CALU: variants seen among roughly 807,000 people sequenced by gnomAD.
CALU encodes IEF SSP 9302.
Under a neutral mutation model 37.5 loss-of-function variants are expected in CALU, and 13 were observed. The observed-to-expected ratio is 0.35, with a 90% CI of 0.23 to 0.55. CALU has a LOEUF of 0.55. Ranked by LOEUF, CALU falls within the 20% of genes least tolerant of loss-of-function variation. The pLI is 0.89. For missense variants in CALU, 282 were observed against 391.7 expected (o/e 0.72, Z 2.36); for synonymous variants, 114 against 133.8 (o/e 0.85, Z 1.02).
rs1226072357 is a variant in CALU, at chr7:128,748,463, A to G, written c.-11-110A>G. 3.5e-6 allele frequency: 4 copies of G among 1,151,994 alleles called. No homozygotes were observed. In the African/African-American group the frequency reaches 4.7e-5, roughly 13 times the overall value. The allele number at this position is 1,151,994 out of a possible 1,614,324, so 71.4% of individuals were successfully genotyped here. A position where few individuals can be genotyped will look rare whatever the true frequency, so the allele number is the denominator to read the frequency against. On this transcript the variant is annotated intron_variant, in intron 1 of 6. Transcript: ENST00000249364. ...ATTTGGGATAATATAAAAGACTTGCATAGATATGTATATCAAATTAATAGT... is the reference window on the plus strand; with the variant it reads ...ATTTGGGATAATATAAAAGACTTGCGTAGATATGTATATCAAATTAATAGT...
At chr7:128,751,525 G>A (rs910635201) in intron 2 of CALU, among the ~76,000 whole-genome samples, 2 of 151,654 alleles carry the variant, frequency 1.3e-5, no homozygotes, top group African/African-American at 4.8e-5. Context: ...TCAGGAGTTC[G>A]AGACCAGCCT....
chr7:128,756,616 C>G (rs549565337), intron 3 of CALU, among the ~76,000 whole-genome samples: 6 of 152,150 alleles, frequency 3.9e-5, no homozygotes, highest in Non-Finnish European at 7.3e-5. Flanking sequence ...TTAACACTGT[C>G]TCTGCCACAA....
intron 2 of CALU, among the ~76,000 whole-genome samples, chr7:128,749,238 C>T (rs151235676): frequency 1.4e-4 from 22 of 152,334 alleles, no homozygotes; most frequent in African/African-American, 3.8e-4. Context: ...TATGATTTCC[C>T]GAGGTGTCCT....
At chr7:128,741,557 C>T (rs1475359078) in intron 1 of CALU, among the ~76,000 whole-genome samples, 1 of 151,992 alleles carries the variant, frequency 6.6e-6, no homozygotes, top group Non-Finnish European at 1.5e-5. Context: ...TGGATCATAC[C>T]CTTTTTGTCC....
intron 5 of CALU, among the ~76,000 whole-genome samples, chr7:128,767,184 C>T (rs1801369463): frequency 6.6e-6 from 1 of 152,184 alleles, no homozygotes; most frequent in African/African-American, 2.4e-5. Context: ...GATGGTAGCT[C>T]TCTCCTCTTA....
Position 128,772,349 on chromosome 7 carries a change from C to T in CALU, c.*3182C>T, listed in dbSNP as rs1302222245. The stretch of plus-strand genomic sequence containing the variant: ...GGCCTTTGGGTGGTCTGAAATAGAC[C>T]AGTGGAAACAGTAGCTTTGTAGGCA... On this transcript the variant is annotated 3_prime_UTR_variant, in exon 7 of 7. Coordinates refer to ENST00000249364, the MANE Select transcript of CALU (RefSeq NM_001219.5). 1.5e-6 allele frequency: 1 copy of T among 645,698 alleles called. No homozygotes were observed. The highest frequency in any genetic ancestry group is 2.7e-6 in the Non-Finnish European group (1 of 373,104). The allele number at this position is 645,698 out of a possible 1,614,324, so 40.0% of individuals were successfully genotyped here.
chr7:128,767,587 C>A lies in CALU; in HGVS notation c.775C>A (p.Leu259Ile). 1.9e-6 allele frequency: 3 copies of A among 1,614,128 alleles called. No individual in the cohort carries two copies. Among genetic ancestry groups the A allele is most frequent in the Non-Finnish European group, 2.5e-6 (3 of 1,179,978 alleles). Residue 259 changes from leucine (L) to isoleucine (I), a missense_variant, in exon 6 of 7, where the codon CTT (leucine) becomes ATT (isoleucine). Transcript: ENST00000249364. ...MDKEETKDWILPSDYDHAEAE... is the reference protein window; with the variant it reads ...MDKEETKDWIIPSDYDHAEAE... ...CAAGGAAGAGACCAAAGACTGGATC[C>A]TTCCCTCAGACTATGATCATGCAGA...
intron 6 of CALU, among the ~76,000 whole-genome samples, 200 bp from the exon 7 acceptor site, chr7:128,768,863 A>AAAAAAAAAAAAAAAAAAAAAAC (rs1554368156): frequency 6.8e-5 from 10 of 148,048 alleles, no homozygotes; most frequent in African/African-American, 2.6e-4. Context: ...AAAAAAAAAA[A>AAAAAAAAAAAAAAAAAAAAAAC]AAAAACAAGG....
At chr7:128,742,287 A>G (rs950485439) in intron 1 of CALU, among the ~76,000 whole-genome samples, 3 of 152,208 alleles carry the variant, frequency 2.0e-5, no homozygotes, top group African/African-American at 4.8e-5. Flanking sequence ...TGTTCCCTGT[A>G]ATCTCCAATT....
intron 6 of CALU, 43 bp downstream of exon 6, chr7:128,767,698 A>C (rs1162888614): frequency 2.0e-6 from 3 of 1,500,402 alleles, no homozygotes; most frequent in Non-Finnish European, 2.8e-6. Context: ...TGATTGAAGT[A>C]TGCTTCTAGG....
chr7:128,764,569 C>T (rs1406703262), intron 5 of CALU, among the ~76,000 whole-genome samples: 2 of 152,140 alleles, frequency 1.3e-5, no homozygotes, highest in Non-Finnish European at 2.9e-5. Context: ...GACACGACAA[C>T]TTTAAAAAGA....
rs1373105038 is a variant in CALU, at chr7:128,767,639, A to T, written c.827A>T (p.Glu276Val). 1 of 1,614,066 alleles carries T rather than the reference A, an allele frequency of 6.2e-7. No individual in the cohort carries two copies. The highest frequency in any genetic ancestry group is 1.3e-5 in the African/African-American group (1 of 75,048). ...GCAGAAGCCAGGCACCTGGTCTATGAATCAGACCAAAACAAGGTAAGTCTG... is the reference window on the plus strand; with the variant it reads ...GCAGAAGCCAGGCACCTGGTCTATGTATCAGACCAAAACAAGGTAAGTCTG... The part of the protein sequence containing the change: ...AEAEARHLVY[E>V]SDQNKDGKLT... The change falls in exon 6 of 7, where the codon GAA becomes GTA. Residue 276 changes from glutamate (E) to valine (V), a missense_variant. Physicochemically the swap from Glu to Val is moderately radical, Grantham distance 121. Coordinates refer to ENST00000249364, the MANE Select transcript of CALU (RefSeq NM_001219.5).
At chr7:128,748,328 A>AT (rs1800524698) in intron 1 of CALU, 2 of 1,459,020 alleles carry the variant, frequency 1.4e-6, no homozygotes, top group East Asian at 5.0e-5. Flanking sequence ...CATTTTAACT[A>AT]TAAGTTTCTT....
At chr7:128,759,945 C>G in intron 5 of CALU, 93 bp downstream of exon 5, 2 of 761,798 alleles carry the variant, frequency 2.6e-6, no homozygotes, top group Non-Finnish European at 4.6e-6. Context: ...TGCCTGTAAT[C>G]CCAACACTGG....
At chr7:128,766,923 A>C (rs981795933) in intron 5 of CALU, among the ~76,000 whole-genome samples, 2 of 152,332 alleles carry the variant, frequency 1.3e-5, no homozygotes, top group Admixed American at 6.5e-5. Flanking sequence ...CATTCTTATG[A>C]AGATCAATTT....
intron 5 of CALU, chr7:128,761,412 A>G (rs2402935): frequency 0.3 from 45,382 of 152,010 alleles, 7,991 homozygotes; most frequent in Non-Finnish European, 0.41. Flanking sequence ...AGTCTGGACT[A>G]TAGTCACAAG....
At chr7:128,744,269 C>T (rs1800348823) in intron 1 of CALU, among the ~76,000 whole-genome samples, 1 of 152,134 alleles carries the variant, frequency 6.6e-6, no homozygotes, top group Non-Finnish European at 1.5e-5. Flanking sequence ...TTATTTTTTA[C>T]TGTTCCTTTC....
At chr7:128,767,001 G>A (rs774939477) in intron 5 of CALU, among the ~76,000 whole-genome samples, 3 of 152,156 alleles carry the variant, frequency 2.0e-5, no homozygotes, top group Non-Finnish European at 4.4e-5. Flanking sequence ...CTTTCTCAGT[G>A]TACTCCTTGA....
chr7:128,759,922 G>C, intron 5 of CALU, 70 bp downstream of exon 5: 1 of 858,488 alleles, frequency 1.2e-6, no homozygotes, highest in African/African-American at 1.6e-5. Context: ...TGCTGGCTGG[G>C]CACAGTGGCT....
Sources: gnomAD v4.1 joint callset for allele counts (sites outside exome capture counted in the v4.1 genomes callset) on GRCh38, gnomAD v4.1.1 for gene constraint, MANE v1.5 for transcripts, NCBI Gene and HGNC (gene_info 2026-07-23, HGNC 2026-07-21) for gene names.